DENND2B: variants seen among roughly 807,000 people sequenced by gnomAD.
DENND2B encodes the protein DENN domain-containing protein 2B.
In DENND2B, 32 loss-of-function variants were observed where a neutral mutation model predicts 116.0. The observed-to-expected ratio is 0.28, with a 90% CI of 0.21 to 0.37. The LOEUF (loss-of-function observed/expected upper bound fraction) is 0.37. DENND2B is among the 10% of genes least tolerant of loss of function. DENND2B has a pLI of 1.00. For missense variants in DENND2B, 1,276 were observed against 1,477.7 expected (o/e 0.86, Z 2.24); for synonymous variants, 588 against 583.9 (o/e 1.01, Z -0.10).
intron 1 of DENND2B, among the ~76,000 whole-genome samples, chr11:8,773,794 G>A (rs1219262640): frequency 1.3e-5 from 2 of 151,942 alleles, no homozygotes; most frequent in Non-Finnish European, 1.5e-5. Context: ...GACCAGAAAA[G>A]GAGGAAAAAA....
chr11:8,726,083 T>C lies in DENND2B; in HGVS notation c.1467A>G (p.Glu489=), dbSNP rs1372781319. Residue 489 remains glutamate (E), a synonymous_variant, in exon 4 of 20, where the codon GAA becomes GAG. Transcript: ENST00000313726. ...TCTGCCATTGCTTACCCACAATATCTTCATAGGCATTTTCTTCTAAAGTGC... is the reference window on the plus strand; with the variant it reads ...TCTGCCATTGCTTACCCACAATATCCTCATAGGCATTTTCTTCTAAAGTGC... ...SKSTLEENAY[E]DIVGDLPKEN... 3.1e-6 allele frequency: 5 copies of C among 1,614,104 alleles called. No individual in the cohort carries two copies. The East Asian group carries it at 1.1e-4, about 36-fold the overall frequency.
rs771807057 is a variant in DENND2B at position 8,707,929 on chromosome 11, C to A, written c.2353-75G>T. On this transcript the variant is annotated intron_variant, in intron 11 of 19. Transcript: ENST00000313726. The surrounding 1 kb of genome is among the most constrained non-coding windows in gnomAD (Gnocchi z 4.8). ...TGATTACCATTTCTGGCTCCTTTTC[C>A]TTGGGAACGGAGGAGTAAGGACTGC... 6 of 1,552,696 alleles carry A rather than the reference C, an allele frequency of 3.9e-6. No individual in the cohort carries two copies. Among genetic ancestry groups the A allele is most frequent in the Non-Finnish European group, 4.3e-6 (5 of 1,150,444 alleles).
intron 2 of DENND2B, among the ~76,000 whole-genome samples, chr11:8,746,122 G>C (rs10769950): frequency 1.1e-4 from 12 of 106,396 alleles, no homozygotes; most frequent in African/African-American, 4.5e-4. Context: ...GCCTCCTAAG[G>C]GGGGCCTGCC....
At chr11:8,796,651 C>G (rs750706260) in intron 1 of DENND2B, among the ~76,000 whole-genome samples, 1 of 152,200 alleles carries the variant, frequency 6.6e-6, no homozygotes, top group African/African-American at 2.4e-5. Flanking sequence ...CTTGAAGACT[C>G]TAGAAGAGAT....
chr11:8,889,576 C>T (rs188718701), intron 1 of DENND2B, among the ~76,000 whole-genome samples: 66 of 152,338 alleles, frequency 4.3e-4, no homozygotes, highest in Non-Finnish European at 7.5e-4. Flanking sequence ...TCTTAGCAAA[C>T]GGCACAACAG....
At chr11:8,738,494 C>T (rs1248685903) in intron 2 of DENND2B, among the ~76,000 whole-genome samples, 1 of 152,136 alleles carries the variant, frequency 6.6e-6, no homozygotes, top group Non-Finnish European at 1.5e-5. Flanking sequence ...TCCCCTCCTG[C>T]TTCAAGCATC....
At chr11:8,724,102 T>C (rs1042000365) in intron 4 of DENND2B, among the ~76,000 whole-genome samples, 4 of 152,314 alleles carry the variant, frequency 2.6e-5, no homozygotes, top group African/African-American at 9.6e-5. Context: ...GAGACCATCC[T>C]GGCTAACACG....
At chr11:8,749,879 C>T (rs1318863340) in intron 2 of DENND2B, among the ~76,000 whole-genome samples, 1 of 152,174 alleles carries the variant, frequency 6.6e-6, no homozygotes, top group Non-Finnish European at 1.5e-5. Flanking sequence ...CCAGCCTTGG[C>T]CAAGACCAGA....
At chr11:8,797,932 A>T (rs1243667815) in intron 1 of DENND2B, among the ~76,000 whole-genome samples, 2 of 152,162 alleles carry the variant, frequency 1.3e-5, no homozygotes, top group Non-Finnish European at 2.9e-5. Flanking sequence ...TTCCTACCTC[A>T]GGAGCTTTGA....
chr11:8,811,627 C>A, upstream of DENND2B: 1 of 311,820 alleles, frequency 3.2e-6, no homozygotes, highest in East Asian at 5.1e-5. Flanking sequence ...TACATTTCTG[C>A]TTTGTAACAT....
chr11:8,787,968 G>C (rs2059063944), intron 1 of DENND2B, among the ~76,000 whole-genome samples: 1 of 152,158 alleles, frequency 6.6e-6, no homozygotes, highest in South Asian at 2.1e-4. Flanking sequence ...TTCCCTGGTA[G>C]TTTAGAGACA....
intron 4 of DENND2B, among the ~76,000 whole-genome samples, chr11:8,834,967 C>T (rs1008724922): frequency 4.6e-5 from 7 of 152,134 alleles, no homozygotes; most frequent in African/African-American, 2.4e-5. Context: ...CATTTTTGGC[C>T]AGGCACGGTG....
chr11:8,712,317 T>G lies in DENND2B; in HGVS notation c.2172+234A>C, dbSNP rs2043900813. ...TATTCAATTGTTCTGGATTTTATTA[T>G]AAGCACATTGAGAGGTTCTTTCTTA... On this transcript the variant is annotated intron_variant, in intron 9 of 19. Transcript: ENST00000313726. The surrounding 1 kb of genome is among the most constrained non-coding windows in gnomAD (Gnocchi z 4.4). 6.6e-6 allele frequency among the ~76,000 whole-genome samples: 1 copy of G among 152,242 alleles called. No homozygotes were observed. The highest frequency in any genetic ancestry group is 2.4e-5 in the African/African-American group (1 of 41,464).
At chr11:8,859,587 C>T (rs1298835158) in intron 2 of DENND2B, among the ~76,000 whole-genome samples, 1 of 152,196 alleles carries the variant, frequency 6.6e-6, no homozygotes, top group Non-Finnish European at 1.5e-5. Flanking sequence ...GGATTACAGG[C>T]GTGAGCCACC....
chr11:8,902,928 C>T lies in DENND2B; in HGVS notation c.-256+7893G>A, dbSNP rs543620564. 5.9e-5 allele frequency among the ~76,000 whole-genome samples: 9 copies of T among 152,248 alleles called. No homozygotes were observed. The East Asian group carries it at 9.7e-4, about 16-fold the overall frequency. On this transcript the variant is annotated intron_variant, in intron 1 of 22. Transcript: ENST00000534127. The stretch of plus-strand genomic sequence containing the variant: ...ACATTTGATCACAGTGGTGCAATCT[C>T]GGCTCACTGCAACCTCCACCTCCCA...
At chr11:8,877,295 CAG>C (rs2063854544) in intron 2 of DENND2B, 1 of 151,916 alleles carries the variant, frequency 6.6e-6, no homozygotes, top group Non-Finnish European at 1.5e-5. Context: ...TTAGTAGAAA[CAG>C]GGTTTCACCA....
intron 3 of DENND2B, among the ~76,000 whole-genome samples, chr11:8,844,741 T>A (rs922475587): frequency 6.6e-5 from 6 of 90,364 alleles, no homozygotes; most frequent in Non-Finnish European, 4.9e-5. Context: ...CTATTTATTT[T>A]ATTTTTTTTT....
chr11:8,751,147 G>A (rs190330018), intron 1 of DENND2B, among the ~76,000 whole-genome samples: 246 of 151,932 alleles, frequency 1.6e-3, no homozygotes, highest in African/African-American at 5.7e-3. Flanking sequence ...GTTTGTAAAC[G>A]CACCAATCAG....
At position 8,748,970 on chromosome 11, in the gene DENND2B, T is replaced by C. The variant is rs565475264; in HGVS notation, c.80+1651A>G. On this transcript the variant is annotated intron_variant, in intron 2 of 19. Transcript: ENST00000313726. Reference sequence around the variant, plus strand: ...AAGAATATTTAAAGGAGTTGAGGGTTGCTGGGAATGGTAATCTCCATTTCA... The same window carrying C: ...AAGAATATTTAAAGGAGTTGAGGGTCGCTGGGAATGGTAATCTCCATTTCA... 7.2e-5 allele frequency among the ~76,000 whole-genome samples: 11 copies of C among 152,312 alleles called. No individual in the cohort carries two copies. In the South Asian group the frequency reaches 1.9e-3, roughly 26 times the overall value.
Sources: allele counts gnomAD v4.1 joint callset (sites outside exome capture counted in the v4.1 genomes callset), GRCh38; gene constraint gnomAD v4.1.1; non-coding constraint Gnocchi (gnomAD v3.1); transcripts MANE v1.5; gene names NCBI Gene and HGNC (gene_info 2026-07-23, HGNC 2026-07-21).